FNBP1: variants seen among roughly 807,000 people sequenced by gnomAD.
The protein encoded by FNBP1 is formin binding protein 1, also known as formin-binding protein 1.
FNBP1 carries 26 observed loss-of-function variants against 90.6 expected under a neutral mutation model. That is an observed-to-expected ratio of 0.29 (90% confidence interval 0.21 to 0.40). The LOEUF (loss-of-function observed/expected upper bound fraction) is 0.40. Ranked by LOEUF, FNBP1 falls within the 10% of genes least tolerant of loss-of-function variation. The pLI is 1.00. For missense variants in FNBP1, 635 were observed against 768.0 expected, an observed-to-expected ratio of 0.83 and a Z score of 2.05; for synonymous variants, 260 against 265.2, an observed-to-expected ratio of 0.98 and a Z score of 0.19.
At chr9:129,960,686 C>G (rs1395029373) in intron 4 of FNBP1, among the ~76,000 whole-genome samples, 1 of 151,872 alleles carries the variant, frequency 6.6e-6, no homozygotes, top group Non-Finnish European at 1.5e-5. Flanking sequence ...GAACCAGAGT[C>G]GATGAGTAAC....
intron 1 of FNBP1, among the ~76,000 whole-genome samples, chr9:130,017,247 G>T (rs917801196): frequency 1.3e-5 from 2 of 152,142 alleles, no homozygotes; most frequent in Admixed American, 1.3e-4. Context: ...TGTTGCCAAA[G>T]AATGTGAGAT....
At chr9:129,995,322 T>G (rs1354481844) in intron 1 of FNBP1, among the ~76,000 whole-genome samples, 2 of 152,134 alleles carry the variant, frequency 1.3e-5, no homozygotes, top group African/African-American at 4.8e-5. Context: ...AACTGTTATC[T>G]CTGGGTAATC....
intron 2 of FNBP1, among the ~76,000 whole-genome samples, chr9:129,990,390 C>T (rs2052941764): frequency 6.6e-6 from 1 of 152,076 alleles, no homozygotes; most frequent in Non-Finnish European, 1.5e-5. Flanking sequence ...GAGAGGGAGT[C>T]AGCCACTTGG....
chr9:129,980,799 C>T (rs1435269998), intron 2 of FNBP1, among the ~76,000 whole-genome samples: 1 of 151,604 alleles, frequency 6.6e-6, no homozygotes, highest in East Asian at 2.0e-4. Flanking sequence ...TGCCTGTAAT[C>T]CCAGCACTTT....
chr9:129,899,765 AGGAAGGGAAGGGAG>A (rs2036519265), intron 15 of FNBP1, among the ~76,000 whole-genome samples, 186 bp downstream of exon 15: 2 of 134,584 alleles, frequency 1.5e-5, no homozygotes, highest in Admixed American at 1.5e-4. Flanking sequence ...AAGGAAGGGA[AGGAAGGGAAGGGAG>A]GGAAGGGAAG....
At chr9:129,927,088 G>A in intron 8 of FNBP1, 107 bp downstream of exon 8, 2 of 1,153,198 alleles carry the variant, frequency 1.7e-6, no homozygotes, top group Non-Finnish European at 2.5e-6. Flanking sequence ...ACCACCAAAA[G>A]CAACCATCCA....
intron 4 of FNBP1, among the ~76,000 whole-genome samples, chr9:129,970,553 G>A (rs10760650): frequency 0.97 from 147,655 of 152,328 alleles, 71,735 homozygotes; most frequent in East Asian, 1. Context: ...CAGGAAGAAA[G>A]CTTTGAAAAA....
the FNBP1 span, among the ~76,000 whole-genome samples, chr9:130,050,241 G>A: frequency 3.9e-5 from 6 of 152,168 alleles, no homozygotes; most frequent in Non-Finnish European, 5.9e-5. Flanking sequence ...TCCATGGTGA[G>A]TGAAATGCTA....
At chr9:129,954,538 C>T (rs907945787) in intron 6 of FNBP1, among the ~76,000 whole-genome samples, 2 of 151,738 alleles carry the variant, frequency 1.3e-5, no homozygotes, top group East Asian at 3.9e-4. Flanking sequence ...CCCAGGAACA[C>T]TAATTTGGCT....
chr9:130,052,491 G>A, the FNBP1 span, among the ~76,000 whole-genome samples: 1 of 151,964 alleles, frequency 6.6e-6, no homozygotes, highest in Non-Finnish European at 1.5e-5. Context: ...GGAGTGCAGT[G>A]GCATGATCTT....
intron 1 of FNBP1, among the ~76,000 whole-genome samples, chr9:130,038,261 T>A (rs1378138121): frequency 6.8e-6 from 1 of 146,808 alleles, no homozygotes; most frequent in African/African-American, 2.5e-5. Flanking sequence ...AGGCTGAGGC[T>A]GGAGAATGGC....
At chr9:130,010,546 C>A (rs2056405782) in intron 1 of FNBP1, among the ~76,000 whole-genome samples, 1 of 152,154 alleles carries the variant, frequency 6.6e-6, no homozygotes, top group African/African-American at 2.4e-5. Flanking sequence ...GCATGAGCCA[C>A]TGCACCCGGC....
At position 129,977,985 on chromosome 9, in the gene FNBP1, A is replaced by C. The variant is rs533213301; in HGVS notation, c.345+480T>G. 2.0e-5 allele frequency among the ~76,000 whole-genome samples: 3 copies of C among 152,036 alleles called. No individual in the cohort carries two copies. In the South Asian group the frequency reaches 6.2e-4, roughly 32 times the overall value. ...CTTGACATTTTACGTAGAGACCTAGAAACACTTTCTAGGAACAGGGTCTGT... is the reference window on the plus strand; with the variant it reads ...CTTGACATTTTACGTAGAGACCTAGCAACACTTTCTAGGAACAGGGTCTGT... On this transcript the variant is annotated intron_variant, in intron 4 of 16. Transcript: ENST00000446176.
chr9:129,959,315 G>A (rs749159388), intron 4 of FNBP1, among the ~76,000 whole-genome samples: 1 of 152,108 alleles, frequency 6.6e-6, no homozygotes, highest in East Asian at 1.9e-4. Flanking sequence ...AAAATAGGCT[G>A]GACGGTGGCT....
intron 10 of FNBP1, among the ~76,000 whole-genome samples, chr9:129,919,811 C>T (rs1160642396): frequency 6.6e-6 from 1 of 152,166 alleles, no homozygotes; most frequent in Non-Finnish European, 1.5e-5. Flanking sequence ...GTTAAATTAT[C>T]GTTGGCATAA....
rs553535103 is a variant in FNBP1, at chr9:130,033,983, T to A, written c.24+8969A>T. Among the ~76,000 whole-genome samples, 342 of 142,350 alleles carry A rather than the reference T, an allele frequency of 2.4e-3. 1 individual carries two copies. Among genetic ancestry groups the A allele is most frequent in the Non-Finnish European group, 3.9e-3 (258 of 66,452 alleles). The allele number at this position is 142,350 out of a possible 152,430, so 93.4% of individuals were successfully genotyped here. On this transcript the variant is annotated intron_variant, in intron 1 of 16. Coordinates refer to ENST00000446176, the MANE Select transcript of FNBP1 (RefSeq NM_015033.3). ...GTGAGCAGAGATTGCGCCACCGCAC[T>A]CCAGCCTGGGTGACAGAACAAGACT... is the stretch of plus-strand genomic sequence containing the variant.
At chr9:129,910,409 G>T (rs1293021637) in intron 11 of FNBP1, among the ~76,000 whole-genome samples, 2 of 149,552 alleles carry the variant, frequency 1.3e-5, no homozygotes, top group Non-Finnish European at 3.0e-5. Context: ...TTGAACCCGG[G>T]AAGCGGAGGT....
At chr9:130,029,182 G>A (rs1324481931) in intron 1 of FNBP1, among the ~76,000 whole-genome samples, 12 of 151,750 alleles carry the variant, frequency 7.9e-5, no homozygotes. Flanking sequence ...CTGAAACAGG[G>A]TCTTGCTCTG....
intron 6 of FNBP1, among the ~76,000 whole-genome samples, chr9:129,955,956 T>C (rs541873386): frequency 6.6e-6 from 1 of 152,144 alleles, no homozygotes; most frequent in East Asian, 1.9e-4. Context: ...TTGAATAACA[T>C]TTTAAATATT....
Sources: gnomAD v4.1 joint callset for allele counts (sites outside exome capture counted in the v4.1 genomes callset) on GRCh38, gnomAD v4.1.1 for gene constraint, MANE v1.5 for transcripts, NCBI Gene and HGNC (gene_info 2026-07-23, HGNC 2026-07-21) for gene names.